Variants in GRM7 observed in about 807,000 individuals in gnomAD.
GRM7 encodes metabotropic glutamate receptor 7.
GRM7 carries 35 observed loss-of-function variants against 84.5 expected under a neutral mutation model. That is an observed-to-expected ratio of 0.41 (90% CI 0.32 to 0.55). The LOEUF is 0.55. Ranked by LOEUF, GRM7 falls within the 20% of genes least tolerant of loss-of-function variation. The pLI is 0.19. For missense variants in GRM7, 1,003 were observed against 1,194.6 expected (o/e 0.84, Z 2.36); for synonymous variants, 487 against 455.1 (o/e 1.07, Z -0.89).
intron 4 of GRM7, among the ~76,000 whole-genome samples, chr3:7,333,157 C>A (rs1701274947): frequency 6.6e-6 from 1 of 151,488 alleles, no homozygotes; most frequent in African/African-American, 2.4e-5. Flanking sequence ...CTGAGTCTGC[C>A]CACATGACAA....
At chr3:7,481,798 A>G (rs1699139678) in intron 7 of GRM7, among the ~76,000 whole-genome samples, 1 of 152,214 alleles carries the variant, frequency 6.6e-6, no homozygotes. Flanking sequence ...GTAGCTGGGC[A>G]TCTGTCCTCA....
At chr3:7,103,854 C>CTTTCTTTCTTTCTT (rs1553617474) in intron 1 of GRM7, among the ~76,000 whole-genome samples, 2 of 123,582 alleles carry the variant, frequency 1.6e-5, no homozygotes, top group South Asian at 2.5e-4. Context: ...CTCTCTCTCT[C>CTTTCTTTCTTTCTT]TCTTTCTTTC....
At chr3:7,017,261 A>T (rs553617917) in intron 1 of GRM7, among the ~76,000 whole-genome samples, 1 of 152,250 alleles carries the variant, frequency 6.6e-6, no homozygotes, top group African/African-American at 2.4e-5. Context: ...ACAATTTTCA[A>T]CAAAATTAAG....
At chr3:7,376,059 T>C (rs1021158082) in intron 4 of GRM7, among the ~76,000 whole-genome samples, 2 of 152,192 alleles carry the variant, frequency 1.3e-5, no homozygotes, top group Admixed American at 6.5e-5. Flanking sequence ...CATGAAATCA[T>C]GTAGGTGAAA....
chr3:6,896,920 G>A (rs1164781014), intron 1 of GRM7, among the ~76,000 whole-genome samples: 1 of 152,132 alleles, frequency 6.6e-6, no homozygotes, highest in Admixed American at 6.5e-5. Flanking sequence ...GTGAATGTAT[G>A]TGTGTGCTCT....
At chr3:7,110,712 C>T (rs1574917499) in intron 1 of GRM7, among the ~76,000 whole-genome samples, 1 of 151,912 alleles carries the variant, frequency 6.6e-6, no homozygotes, top group Admixed American at 6.6e-5. Context: ...GGATTACCTA[C>T]TAATTTCCAG....
chr3:7,164,265 A>G (rs1694727057), intron 2 of GRM7, among the ~76,000 whole-genome samples: 1 of 152,180 alleles, frequency 6.6e-6, no homozygotes, highest in Non-Finnish European at 1.5e-5. Context: ...AGGCTGAGGC[A>G]GGAGAATCAC....
chr3:7,027,783 A>G (rs1033408341), intron 1 of GRM7, among the ~76,000 whole-genome samples: 4 of 152,032 alleles, frequency 2.6e-5, no homozygotes, highest in Non-Finnish European at 5.9e-5. Flanking sequence ...TGTTTCAACC[A>G]TCGTTCTTTT....
At chr3:6,877,089 T>C (rs1177493014) in intron 1 of GRM7, among the ~76,000 whole-genome samples, 3 of 152,236 alleles carry the variant, frequency 2.0e-5, no homozygotes, top group Non-Finnish European at 4.4e-5. Context: ...GGCTGTTTTA[T>C]GACATTAATA....
At chr3:6,943,819 A>G (rs1489732158) in intron 1 of GRM7, among the ~76,000 whole-genome samples, 1 of 152,062 alleles carries the variant, frequency 6.6e-6, no homozygotes, top group Non-Finnish European at 1.5e-5. Context: ...ATTAATGAAA[A>G]AGGTAACTCA....
intron 8 of GRM7, among the ~76,000 whole-genome samples, chr3:7,663,478 TC>T (rs781708640): frequency 1.8e-4 from 27 of 152,178 alleles, no homozygotes; most frequent in Non-Finnish European, 3.4e-4. Context: ...GATCCCTCGG[TC>T]CTCAAGGTGG....
chr3:7,550,577 C>CTGTGTGTGTG (rs369817211), intron 7 of GRM7, among the ~76,000 whole-genome samples: 6 of 52,974 alleles, frequency 1.1e-4, no homozygotes, highest in Admixed American at 2.5e-4. Context: ...CTCTCTCTCT[C>CTGTGTGTGTG]TGTGTGTGTG....
intron 1 of GRM7, among the ~76,000 whole-genome samples, chr3:6,878,795 C>T (rs1332879588): frequency 1.3e-5 from 2 of 152,092 alleles, no homozygotes; most frequent in Non-Finnish European, 2.9e-5. Context: ...TTTCAATTGC[C>T]CTCAAACTTA....
chr3:7,286,974 C>T (rs900837324), intron 2 of GRM7, among the ~76,000 whole-genome samples: 8 of 152,078 alleles, frequency 5.3e-5, no homozygotes, highest in Non-Finnish European at 1.2e-4. Context: ...AGGACTTTGG[C>T]TTTATCAGGC....
intron 9 of GRM7, among the ~76,000 whole-genome samples, chr3:7,734,347 T>G (rs887094692): frequency 1.3e-5 from 2 of 152,176 alleles, no homozygotes; most frequent in African/African-American, 4.8e-5. Context: ...CCCTTGCTGA[T>G]GACACATGGC....
intron 4 of GRM7, among the ~76,000 whole-genome samples, chr3:7,362,081 T>C (rs1693687654): frequency 6.6e-6 from 1 of 152,102 alleles, no homozygotes; most frequent in Non-Finnish European, 1.5e-5. Flanking sequence ...TTGTGCCTCA[T>C]AGTGACCTGG....
chr3:7,632,891 T>C (rs1350007486), intron 8 of GRM7, among the ~76,000 whole-genome samples: 2 of 152,222 alleles, frequency 1.3e-5, no homozygotes, highest in African/African-American at 2.4e-5. Flanking sequence ...AAGCAAAGAA[T>C]CCCTTCAATG....
At chr3:7,380,308 T>C in intron 4 of GRM7, among the ~76,000 whole-genome samples, 1 of 152,220 alleles carries the variant, frequency 6.6e-6, no homozygotes. Context: ...ATGAGATTAA[T>C]TTAGAACAAT....
At chr3:7,068,971 T>G (rs1465048972) in intron 1 of GRM7, among the ~76,000 whole-genome samples, 1 of 151,768 alleles carries the variant, frequency 6.6e-6, no homozygotes, top group African/African-American at 2.4e-5. Flanking sequence ...TCAGTTTGAA[T>G]TGCAGGCTTT....
Sources: allele counts gnomAD v4.1 joint callset (sites outside exome capture counted in the v4.1 genomes callset), GRCh38; gene constraint gnomAD v4.1.1; transcripts MANE v1.5; gene names NCBI Gene and HGNC (gene_info 2026-07-23, HGNC 2026-07-21).